Variants in KIF1B observed in about 807,000 individuals in gnomAD.
KIF1B encodes the protein kinesin family member 1B.
Under a neutral mutation model 241.9 loss-of-function variants are expected in KIF1B, and 76 were observed. The ratio of observed to expected loss-of-function variants is 0.31; its 90% confidence interval spans 0.26 to 0.38. The LOEUF is 0.38. KIF1B is among the 10% of genes least tolerant of loss of function. The pLI is 1.00. For missense variants in KIF1B, 1,622 were observed against 2,271.4 expected (o/e 0.71, Z 5.81); for synonymous variants, 750 against 796.7 (o/e 0.94, Z 0.99).
rs1652570151 is a variant in KIF1B at position 10,345,890 on chromosome 1, A to G, written c.3734A>G (p.Gln1245Arg). ...LNTMSKTSLG[Q>R]SMSKYDLLVW... ...ACGATGAGCAAAACCAGCCTTGGCC[A>G]GAGCATGAGCAAGTATGACCTCCTG... The change falls in exon 35 of 49, where the codon CAG becomes CGG. Residue 1245 changes from glutamine to arginine, a missense_variant. Coordinates refer to ENST00000676179, the MANE Select transcript of KIF1B (RefSeq NM_001365951.3). The G allele has an allele frequency of 1.2e-6, 2 of 1,614,234 alleles. No individual in the cohort carries two copies. Among genetic ancestry groups the G allele is most frequent in the Non-Finnish European group, 1.7e-6 (2 of 1,180,028 alleles).
intron 2 of KIF1B, among the ~76,000 whole-genome samples, chr1:10,249,269 G>A (rs375702930): frequency 9.9e-5 from 15 of 152,016 alleles, no homozygotes; most frequent in African/African-American, 3.6e-4. Flanking sequence ...TAGCTCAGTT[G>A]ACCTTGATAC....
At chr1:10,278,928 T>C (rs919181477) in intron 13 of KIF1B, 169 bp from the exon 14 acceptor site, 7 of 505,504 alleles carry the variant, frequency 1.4e-5, no homozygotes, top group South Asian at 3.4e-5. Flanking sequence ...ATTCTTCTTA[T>C]TGATTAGAGT....
chr1:10,221,119 A>G (rs554224878), intron 1 of KIF1B, among the ~76,000 whole-genome samples: 1 of 106,090 alleles, frequency 9.4e-6, no homozygotes, highest in African/African-American at 4.1e-5. Context: ...TTTTTTTGAC[A>G]TGGAGTCTCG....
intron 40 of KIF1B, among the ~76,000 whole-genome samples, chr1:10,362,482 T>C (rs926823950): frequency 5.5e-5 from 5 of 91,316 alleles, no homozygotes; most frequent in African/African-American, 1.7e-4. Context: ...TCTCAAAATT[T>C]AAAAAAAAGA....
chr1:10,307,705 A>G, intron 22 of KIF1B: 2 of 1,024,000 alleles, frequency 2.0e-6, no homozygotes, highest in Non-Finnish European at 2.3e-6. Context: ...TTGTTGAGGT[A>G]TCCCTAGCTA....
chr1:10,366,253 A>T (rs1423072270), intron 43 of KIF1B, among the ~76,000 whole-genome samples: 1 of 151,906 alleles, frequency 6.6e-6, no homozygotes, highest in African/African-American at 2.4e-5. Flanking sequence ...AAAATAATAA[A>T]AAATTAAAAA....
Position 10,278,173 on chromosome 1 carries a change from C to T in KIF1B, c.1180+45C>T, listed in dbSNP as rs768712771. ...TTACAAAATCTAATCCTTTCTTCTT[C>T]AGGGTTCTTATTCAGCGTTCTTATA... On this transcript the variant is annotated intron_variant, in intron 13 of 48. Transcript: ENST00000676179. The T allele has an allele frequency of 1.3e-5, 20 of 1,589,776 alleles. 1 individual carries two copies. In the East Asian group the frequency reaches 4.0e-4, roughly 32 times the overall value.
chr1:10,233,156 A>G (rs574424296), intron 2 of KIF1B, among the ~76,000 whole-genome samples: 4 of 152,310 alleles, frequency 2.6e-5, no homozygotes, highest in Admixed American at 6.5e-5. Flanking sequence ...CCATTTGCCA[A>G]TGTTCTGTGT....
intron 17 of KIF1B, among the ~76,000 whole-genome samples, chr1:10,294,487 C>T (rs1014616921): frequency 2.0e-5 from 3 of 152,074 alleles, no homozygotes; most frequent in Non-Finnish European, 4.4e-5. Flanking sequence ...TATAATTATT[C>T]CGTTCAGAGA....
chr1:10,368,365 C>T (rs1168665882), intron 43 of KIF1B, 102 bp from the exon 44 acceptor site: 26 of 897,380 alleles, frequency 2.9e-5, no homozygotes, highest in Non-Finnish European at 4.3e-5. Flanking sequence ...ATGCCCTCCC[C>T]GGGAACTCAG....
rs1216308761 is a variant in KIF1B, at chr1:10,326,947, C to T, written c.2924+588C>T. On this transcript the variant is annotated intron_variant, in intron 27 of 48. Coordinates refer to ENST00000676179, the MANE Select transcript of KIF1B (RefSeq NM_001365951.3). The surrounding 1 kb of genome is among the most constrained non-coding windows in gnomAD (Gnocchi z 5.2). ...ACCTAAAACGGATGCCTGTCTTTGGCCAGTTTCACTGAGCCTATCTACGGA... is the reference window on the plus strand; with the variant it reads ...ACCTAAAACGGATGCCTGTCTTTGGTCAGTTTCACTGAGCCTATCTACGGA... Among the ~76,000 whole-genome samples, 1 of 152,204 alleles carries T rather than the reference C, an allele frequency of 6.6e-6. No homozygotes were observed.
chr1:10,286,085 G>T (rs1232654921), intron 15 of KIF1B, among the ~76,000 whole-genome samples: 1 of 151,880 alleles, frequency 6.6e-6, no homozygotes, highest in African/African-American at 2.4e-5. Context: ...TGTTGCCCAG[G>T]CTGGAGTGCA....
intron 22 of KIF1B, 86 bp from the exon 23 acceptor site, chr1:10,319,957 C>T: frequency 1.2e-6 from 1 of 837,318 alleles, no homozygotes; most frequent in Admixed American, 2.0e-5. Context: ...GCTTTCTCTA[C>T]TTCCCCCAAT....
intron 2 of KIF1B, among the ~76,000 whole-genome samples, chr1:10,247,982 C>T (rs1411147118): frequency 2.6e-5 from 4 of 152,144 alleles, no homozygotes; most frequent in South Asian, 4.1e-4. Context: ...AATCTGATGC[C>T]GCCACTGATC....
chr1:10,334,515 T>C lies in KIF1B; in HGVS notation c.2925-5T>C. 1.9e-6 allele frequency: 3 copies of C among 1,606,608 alleles called. No individual in the cohort carries two copies. The highest frequency in any genetic ancestry group is 1.1e-5 in the South Asian group (1 of 90,896). On this transcript the variant is annotated splice_polypyrimidine_tract_variant and splice_region_variant and intron_variant, in intron 27 of 48. Transcript: ENST00000676179. ...TGACATTTGTCTCCTGGTTTCTGTC[T>C]TTAGGGCATTTGTTTACCTGAGCAA...
intron 33 of KIF1B, 138 bp downstream of exon 33, chr1:10,342,306 A>G: frequency 1.4e-6 from 1 of 715,242 alleles, no homozygotes; most frequent in South Asian, 1.6e-5. Context: ...CTCTTTAGAA[A>G]CTTCACTATC....
chr1:10,212,890 GTATATATATATATATATATATATA>G (rs201066671), intron 1 of KIF1B, among the ~76,000 whole-genome samples: 30 of 109,498 alleles, frequency 2.7e-4, no homozygotes, highest in Admixed American at 4.9e-4. Flanking sequence ...ATGCGTGTGT[GTATATATATATATATATATATATA>G]TATATATATA....
At chr1:10,280,261 A>T in intron 14 of KIF1B, among the ~76,000 whole-genome samples, 1 of 149,104 alleles carries the variant, frequency 6.7e-6, no homozygotes, top group African/African-American at 2.5e-5. Context: ...TTTGAGATGG[A>T]GTCTTGCTTT....
At chr1:10,354,118 A>G (rs1232456353) in intron 38 of KIF1B, among the ~76,000 whole-genome samples, 1 of 152,242 alleles carries the variant, frequency 6.6e-6, no homozygotes, top group Non-Finnish European at 1.5e-5. Context: ...GTCAGGTGCT[A>G]CAAGAAATGA....
Sources: gnomAD v4.1 joint callset for allele counts (sites outside exome capture counted in the v4.1 genomes callset) on GRCh38, gnomAD v4.1.1 for gene constraint, Gnocchi (gnomAD v3.1) non-coding constraint, MANE v1.5 for transcripts, NCBI Gene and HGNC (gene_info 2026-07-23, HGNC 2026-07-21) for gene names.